The following ZDHHC11B variants were observed in gnomAD, a reference collection of about 807,000 sequenced individuals.
The protein encoded by ZDHHC11B is probable palmitoyltransferase ZDHHC11B.
Under a neutral mutation model 42.3 loss-of-function variants are expected in ZDHHC11B, and 17 were observed. The observed-to-expected ratio is 0.40, with a 90% confidence interval of 0.27 to 0.60. The LOEUF is 0.60. ZDHHC11B is among the 20% of genes least tolerant of loss of function. The pLI, the probability that ZDHHC11B is intolerant of heterozygous loss-of-function variation, is 0.41. For missense variants in ZDHHC11B, 262 were observed against 463.2 expected (o/e 0.57, Z 3.99); for synonymous variants, 123 against 193.5 (o/e 0.64, Z 3.02).
intron 4 of ZDHHC11B, among the ~76,000 whole-genome samples, chr5:764,603 C>A (rs1164207603): frequency 6.6e-6 from 1 of 151,930 alleles, no homozygotes; most frequent in Non-Finnish European, 1.5e-5. Flanking sequence ...CCCTGCGGGG[C>A]AGGGCTCAGG....
intron 11 of ZDHHC11B, among the ~76,000 whole-genome samples, chr5:730,895 G>A (rs1216326212): frequency 6.6e-6 from 1 of 151,894 alleles, no homozygotes; most frequent in African/African-American, 2.4e-5. Context: ...TACAAGGCAA[G>A]GAGAGAGGCC....
At chr5:771,181 C>G (rs1735998958) in intron 1 of ZDHHC11B, among the ~76,000 whole-genome samples, 1 of 151,876 alleles carries the variant, frequency 6.6e-6, no homozygotes, top group South Asian at 2.1e-4. Flanking sequence ...TCACGAAGCC[C>G]TCTCAGATCT....
chr5:746,938 G>A (rs1744914472), intron 8 of ZDHHC11B, among the ~76,000 whole-genome samples: 1 of 124,828 alleles, frequency 8.0e-6, no homozygotes, highest in African/African-American at 2.7e-5. Flanking sequence ...CGATTCTCCT[G>A]TTGTGGGGGG....
intron 1 of ZDHHC11B, among the ~76,000 whole-genome samples, chr5:777,620 C>G (rs776917787): frequency 6.6e-6 from 1 of 151,984 alleles, no homozygotes; most frequent in Non-Finnish European, 1.5e-5. Flanking sequence ...CTGATTGGCC[C>G]ATTGTACAGG....
rs374815880 is a variant in ZDHHC11B at position 719,201 on chromosome 5, C to T, written c.1059-2336G>A. On this transcript the variant is annotated intron_variant, in intron 12 of 13. Transcript: ENST00000508859. The stretch of plus-strand genomic sequence containing the variant: ...ATCCACAGTCCCAGAGGAGGAGAAG[C>T]ACTTGATTTTTAGAGATACCACATT... Among the ~76,000 whole-genome samples, 29 of 151,804 alleles carry T rather than the reference C, an allele frequency of 1.9e-4. No individual in the cohort carries two copies. In the South Asian group the frequency reaches 5.2e-3, roughly 27 times the overall value.
chr5:760,612 G>C (rs1473028046), intron 4 of ZDHHC11B, among the ~76,000 whole-genome samples: 1 of 151,854 alleles, frequency 6.6e-6, no homozygotes, highest in Admixed American at 6.6e-5. Context: ...CTGAGGGAGA[G>C]AGACAGATGG....
intron 8 of ZDHHC11B, among the ~76,000 whole-genome samples, chr5:746,597 G>A (rs1265570626): frequency 2.0e-5 from 3 of 147,288 alleles, no homozygotes; most frequent in Non-Finnish European, 4.5e-5. Context: ...TCCCAGCCCC[G>A]CATGGCTTCA....
intron 4 of ZDHHC11B, among the ~76,000 whole-genome samples, chr5:763,604 C>T (rs576671096): frequency 5.3e-5 from 8 of 151,776 alleles, no homozygotes; most frequent in Admixed American, 2.0e-4. Flanking sequence ...GGGAGCAAAA[C>T]GGATGGAGGA....
At chr5:733,573 G>A (rs577236454) in intron 11 of ZDHHC11B, among the ~76,000 whole-genome samples, 179 bp downstream of exon 11, 1 of 151,532 alleles carries the variant, frequency 6.6e-6, no homozygotes, top group African/African-American at 2.4e-5. Flanking sequence ...AAGCATTCCT[G>A]CCTCTCACTC....
At chr5:713,295 AG>A in intron 13 of ZDHHC11B, among the ~76,000 whole-genome samples, 1 of 152,038 alleles carries the variant, frequency 6.6e-6, no homozygotes, top group East Asian at 1.9e-4. Flanking sequence ...TAAAAAAATC[AG>A]TGATATTTCT....
intron 4 of ZDHHC11B, among the ~76,000 whole-genome samples, chr5:756,669 A>G (rs28660604): frequency 0.43 from 63,424 of 147,740 alleles, 9,230 homozygotes; most frequent in East Asian, 0.52. Context: ...ACAGCCGGAT[A>G]CAGCCCCAAA....
intron 10 of ZDHHC11B, among the ~76,000 whole-genome samples, chr5:736,070 G>A (rs1743480668): frequency 6.7e-6 from 1 of 149,462 alleles, no homozygotes. Flanking sequence ...CTGTCTTCAA[G>A]AGACACACCT....
Position 749,634 on chromosome 5 carries a change from C to T in ZDHHC11B, c.629-1075G>A, listed in dbSNP as rs1745339935. ...AGCCCTGCAGAATCATCTGGAACAG[C>T]AAACGGAGGAATTCGCTCAGGCCAC... is the stretch of plus-strand genomic sequence containing the variant. On this transcript the variant is annotated intron_variant, in intron 7 of 13. Transcript: ENST00000508859. 1.5e-5 allele frequency among the ~76,000 whole-genome samples: 2 copies of T among 129,918 alleles called. 1 individual carries two copies. The highest frequency in any genetic ancestry group is 1.8e-4 in the Admixed American group (2 of 11,296). The allele number at this position is 129,918 out of a possible 152,430, so 85.2% of individuals were successfully genotyped here.
chr5:760,581 C>G (rs1274553945), intron 4 of ZDHHC11B, among the ~76,000 whole-genome samples: 4 of 151,774 alleles, frequency 2.6e-5, no homozygotes, highest in African/African-American at 9.7e-5. Flanking sequence ...CCCCAGGACA[C>G]GCCGCGGCCA....
rs532073011 is a variant in ZDHHC11B at position 766,530 on chromosome 5, G to A, written c.222+168C>T. 2.6e-5 allele frequency among the ~76,000 whole-genome samples: 4 copies of A among 151,980 alleles called. No homozygotes were observed. The East Asian group carries it at 7.7e-4, about 29-fold the overall frequency. On this transcript the variant is annotated intron_variant, in intron 4 of 13. Transcript: ENST00000508859. ...CCTGACCCTGAGCAGGGGCTGCACA[G>A]AGCACGAATGGCCACTGGGCCCACC...
intron 1 of ZDHHC11B, among the ~76,000 whole-genome samples, chr5:777,968 C>G (rs1344579089): frequency 1.3e-5 from 2 of 151,874 alleles, no homozygotes; most frequent in Non-Finnish European, 2.9e-5. Context: ...CCCTGCCCAG[C>G]AGGGAGGCGG....
At chr5:765,618 C>G (rs1285345868) in intron 4 of ZDHHC11B, among the ~76,000 whole-genome samples, 1 of 151,860 alleles carries the variant, frequency 6.6e-6, no homozygotes, top group Non-Finnish European at 1.5e-5. Flanking sequence ...TTCTCTTCCA[C>G]ATTGTGGAAG....
rs368376512 is a variant in ZDHHC11B at position 774,085 on chromosome 5, C to A, written c.-229-5155G>T. Among the ~76,000 whole-genome samples, 1,375 of 151,176 alleles carry A rather than the reference C, an allele frequency of 9.1e-3. 1 individual carries two copies. Among genetic ancestry groups the A allele is most frequent in the African/African-American group, 0.031 (1,258 of 40,692 alleles). ...GTCACCAGCTCCAAGGACTCGGCCA[C>A]CTAGGCGGGGCTTCGTCCCAGACAC... On this transcript the variant is annotated intron_variant, in intron 1 of 13. Transcript: ENST00000508859.
At chr5:773,958 G>A (rs1033493532) in intron 1 of ZDHHC11B, among the ~76,000 whole-genome samples, 6 of 152,052 alleles carry the variant, frequency 3.9e-5, no homozygotes, top group Non-Finnish European at 8.8e-5. Flanking sequence ...GATGAGGGCA[G>A]AGGTGGCACC....
Sources: allele counts gnomAD v4.1 joint callset (sites outside exome capture counted in the v4.1 genomes callset), GRCh38; gene constraint gnomAD v4.1.1; transcripts MANE v1.5; gene names NCBI Gene and HGNC (gene_info 2026-07-23, HGNC 2026-07-21).